The following SSBP2 variants were observed in gnomAD, a reference collection of about 807,000 sequenced individuals.
SSBP2 encodes the protein single stranded DNA binding protein 2.
In SSBP2, 17 loss-of-function variants were observed where a neutral mutation model predicts 61.8. The observed-to-expected ratio is 0.28, with a 90% CI of 0.19 to 0.41. SSBP2 has a LOEUF of 0.41. SSBP2 is among the 10% of genes least tolerant of loss of function. The pLI is 1.00. For synonymous variants in SSBP2, 139 were observed against 141.3 expected, an observed-to-expected ratio of 0.98 and a Z score of 0.12; for missense variants, 310 against 458.7, an observed-to-expected ratio of 0.68 and a Z score of 2.96.
At chr5:81,592,744 C>A (rs1174336284) in intron 4 of SSBP2, among the ~76,000 whole-genome samples, 4 of 152,170 alleles carry the variant, frequency 2.6e-5, no homozygotes, top group Non-Finnish European at 4.4e-5. Flanking sequence ...CTGGAGTGGA[C>A]CTCTAGAAAA....
chr5:81,500,942 G>A (rs1251426310), intron 5 of SSBP2, among the ~76,000 whole-genome samples: 2 of 151,018 alleles, frequency 1.3e-5, no homozygotes, highest in Admixed American at 6.6e-5. Flanking sequence ...GGCCAGGCAC[G>A]GTGGCTCATG....
At chr5:81,531,417 A>G (rs1481196438) in intron 4 of SSBP2, among the ~76,000 whole-genome samples, 3 of 152,096 alleles carry the variant, frequency 2.0e-5, no homozygotes, top group Non-Finnish European at 2.9e-5. Flanking sequence ...AGACAAGATT[A>G]TAGTCCTAAA....
intron 4 of SSBP2, among the ~76,000 whole-genome samples, chr5:81,594,451 A>G (rs1326351764): frequency 6.6e-6 from 1 of 152,168 alleles, no homozygotes. Flanking sequence ...AAAGTTAACA[A>G]GGATACCCAG....
At chr5:81,693,549 T>C (rs906349384) in intron 1 of SSBP2, among the ~76,000 whole-genome samples, 13 of 152,168 alleles carry the variant, frequency 8.5e-5, no homozygotes, top group African/African-American at 2.9e-4. Flanking sequence ...AAAGAAGTCA[T>C]ACAAATGGCA....
At chr5:81,578,798 CT>C (rs1039712493) in intron 4 of SSBP2, among the ~76,000 whole-genome samples, 3 of 151,002 alleles carry the variant, frequency 2.0e-5, no homozygotes, top group African/African-American at 7.3e-5. Context: ...TTTTTCTAGA[CT>C]TCTGTTCTTT....
chr5:81,434,577 C>A (rs1015972181), intron 15 of SSBP2, among the ~76,000 whole-genome samples: 1 of 129,510 alleles, frequency 7.7e-6, no homozygotes. Context: ...TGCGGTGAGC[C>A]GAGGAGATGG....
chr5:81,624,329 A>G (rs1746924091), intron 3 of SSBP2, among the ~76,000 whole-genome samples: 1 of 152,224 alleles, frequency 6.6e-6, no homozygotes, highest in South Asian at 2.1e-4. Flanking sequence ...TCAAAATTTT[A>G]TCATTTTTAG....
At chr5:81,565,721 A>C (rs1444545168) in intron 4 of SSBP2, among the ~76,000 whole-genome samples, 1 of 152,180 alleles carries the variant, frequency 6.6e-6, no homozygotes, top group African/African-American at 2.4e-5. Context: ...GACCTAAAAT[A>C]ATGCTTATTT....
At chr5:81,644,240 T>C (rs565102180) in intron 2 of SSBP2, among the ~76,000 whole-genome samples, 2 of 152,346 alleles carry the variant, frequency 1.3e-5, no homozygotes, top group Admixed American at 6.5e-5. Context: ...CTACCTCTTA[T>C]TGGGAAAACT....
At chr5:81,694,035 A>G (rs1470402316) in intron 1 of SSBP2, among the ~76,000 whole-genome samples, 1 of 152,230 alleles carries the variant, frequency 6.6e-6, no homozygotes, top group Non-Finnish European at 1.5e-5. Context: ...CAACATGGAC[A>G]GAACTGGAGG....
intron 15 of SSBP2, among the ~76,000 whole-genome samples, chr5:81,435,153 T>C (rs1413972340): frequency 6.6e-6 from 1 of 152,192 alleles, no homozygotes; most frequent in Non-Finnish European, 1.5e-5. Flanking sequence ...TGTTTATGAC[T>C]AGGGGGATAA....
At chr5:81,440,720 G>T in intron 13 of SSBP2, 84 bp from the exon 14 acceptor site, 1 of 955,392 alleles carries the variant, frequency 1.0e-6, no homozygotes, top group Non-Finnish European at 1.6e-6. Flanking sequence ...AACATTACAA[G>T]ACACTGCCAC....
At chr5:81,712,741 T>G (rs979767946) in intron 1 of SSBP2, among the ~76,000 whole-genome samples, 1 of 149,654 alleles carries the variant, frequency 6.7e-6, no homozygotes, top group African/African-American at 2.5e-5. Flanking sequence ...TTTTTTTTTT[T>G]GTTTTTTTTG....
intron 5 of SSBP2, among the ~76,000 whole-genome samples, chr5:81,501,212 AATATATATATATATATATATAT>A (rs1167504052): frequency 0.026 from 744 of 28,832 alleles, 68 homozygotes; most frequent in South Asian, 0.093. Context: ...CTCCATCTCA[AATATATATATATATATATATAT>A]ATATATATAT....
intron 10 of SSBP2, among the ~76,000 whole-genome samples, chr5:81,451,561 G>T (rs1763773845): frequency 6.6e-6 from 1 of 152,060 alleles, no homozygotes; most frequent in African/African-American, 2.4e-5. Context: ...CAAGTAGTTG[G>T]GATTACAGGT....
At chr5:81,675,876 G>A (rs1380029250) in intron 1 of SSBP2, among the ~76,000 whole-genome samples, 3 of 151,724 alleles carry the variant, frequency 2.0e-5, no homozygotes, top group East Asian at 1.9e-4. Context: ...TCTCCTCTAC[G>A]TAGACCTAAA....
intron 1 of SSBP2, among the ~76,000 whole-genome samples, chr5:81,714,658 T>C (rs1182756838): frequency 2.6e-5 from 4 of 152,242 alleles, no homozygotes; most frequent in Non-Finnish European, 5.9e-5. Flanking sequence ...CCAGTGATGA[T>C]GAGCTTTTTT....
chr5:81,609,300 T>A (rs563292278), intron 4 of SSBP2, among the ~76,000 whole-genome samples: 5 of 152,328 alleles, frequency 3.3e-5, no homozygotes, highest in Admixed American at 6.5e-5. Context: ...TACCTTATAT[T>A]TTTCCAACTT....
intron 3 of SSBP2, among the ~76,000 whole-genome samples, chr5:81,633,978 C>T (rs139391442): frequency 6.6e-6 from 1 of 152,310 alleles, no homozygotes. Context: ...AGTGACATGG[C>T]TAAGATTGTA....
Sources: gnomAD v4.1 joint callset for allele counts (sites outside exome capture counted in the v4.1 genomes callset) on GRCh38, gnomAD v4.1.1 for gene constraint, MANE v1.5 for transcripts, NCBI Gene and HGNC (gene_info 2026-07-23, HGNC 2026-07-21) for gene names.